The following SLC24A2 variants were observed in gnomAD, a reference collection of about 807,000 sequenced individuals.
SLC24A2 encodes sodium/potassium/calcium exchanger 2.
In SLC24A2, 36 loss-of-function variants were observed where a neutral mutation model predicts 62.0. The observed-to-expected ratio is 0.58, with a 90% CI of 0.44 to 0.77. The LOEUF (loss-of-function observed/expected upper bound fraction) is 0.77. SLC24A2 is among the 30% of genes least tolerant of loss of function. SLC24A2 has a pLI of 0.00. For synonymous variants in SLC24A2, 358 were observed against 294.0 expected (o/e 1.22, Z -2.23); for missense variants, 846 against 817.9 (o/e 1.03, Z -0.42).
chr9:20,237,528 G>C, the SLC24A2 span, among the ~76,000 whole-genome samples: 1 of 152,156 alleles, frequency 6.6e-6, no homozygotes, highest in African/African-American at 2.4e-5. Flanking sequence ...AACTTGGAAG[G>C]ATACTGAAGA....
the SLC24A2 span, among the ~76,000 whole-genome samples, chr9:19,864,409 G>C: frequency 6.6e-6 from 1 of 151,632 alleles, no homozygotes; most frequent in Non-Finnish European, 1.5e-5. Context: ...AAACACTACA[G>C]GTCAATGTAC....
At chr9:19,605,869 C>T (rs1836969415) in intron 4 of SLC24A2, among the ~76,000 whole-genome samples, 1 of 152,152 alleles carries the variant, frequency 6.6e-6, no homozygotes, top group African/African-American at 2.4e-5. Context: ...AGTAACTTGC[C>T]CAGGGGCACA....
the SLC24A2 span, among the ~76,000 whole-genome samples, chr9:20,071,556 T>C: frequency 1.3e-5 from 2 of 152,320 alleles, no homozygotes; most frequent in South Asian, 4.1e-4. Context: ...GTCCATGTTC[T>C]AATCCTCAGA....
the SLC24A2 span, among the ~76,000 whole-genome samples, chr9:19,903,770 G>T: frequency 6.6e-6 from 1 of 152,166 alleles, no homozygotes; most frequent in African/African-American, 2.4e-5. Context: ...TCTTTAAGAT[G>T]GTCCAGTATA....
chr9:19,896,259 A>G, the SLC24A2 span, among the ~76,000 whole-genome samples: 1 of 152,222 alleles, frequency 6.6e-6, no homozygotes. Context: ...TGTAAATAGG[A>G]TGTACAGCAA....
chr9:20,207,876 G>A, the SLC24A2 span, among the ~76,000 whole-genome samples: 40 of 152,152 alleles, frequency 2.6e-4, no homozygotes, highest in Non-Finnish European at 4.6e-4. Flanking sequence ...CAAGCTACAT[G>A]CACAAGTTTC....
At chr9:20,201,123 T>C in the SLC24A2 span, among the ~76,000 whole-genome samples, 2 of 152,220 alleles carry the variant, frequency 1.3e-5, no homozygotes, top group Non-Finnish European at 2.9e-5. Flanking sequence ...AGAGCTGGAA[T>C]GTCTCTTGGC....
At chr9:19,704,324 T>A (rs1820443449) in intron 2 of SLC24A2, among the ~76,000 whole-genome samples, 1 of 152,188 alleles carries the variant, frequency 6.6e-6, no homozygotes, top group African/African-American at 2.4e-5. Context: ...ATTAGTTCCA[T>A]ATGATACTAT....
chr9:20,253,082 C>T, the SLC24A2 span, among the ~76,000 whole-genome samples: 8 of 152,200 alleles, frequency 5.3e-5, no homozygotes, highest in African/African-American at 1.9e-4. Flanking sequence ...AAGGCAATTA[C>T]CCCTATAGTG....
At chr9:20,263,570 T>A in the SLC24A2 span, among the ~76,000 whole-genome samples, 1 of 152,172 alleles carries the variant, frequency 6.6e-6, no homozygotes, top group Non-Finnish European at 1.5e-5. Context: ...CTTCACATGC[T>A]TTCTAGTGAA....
the SLC24A2 span, among the ~76,000 whole-genome samples, chr9:20,076,075 C>T: frequency 6.6e-6 from 1 of 152,070 alleles, no homozygotes; most frequent in Non-Finnish European, 1.5e-5. Context: ...GAATGCTTTC[C>T]GTACAGATGC....
At chr9:20,246,626 C>T in the SLC24A2 span, among the ~76,000 whole-genome samples, 1 of 152,152 alleles carries the variant, frequency 6.6e-6, no homozygotes, top group Non-Finnish European at 1.5e-5. Flanking sequence ...CAACAGAATG[C>T]AGATCTCCCT....
chr9:19,545,490 C>T (rs548588503), intron 8 of SLC24A2, among the ~76,000 whole-genome samples: 56 of 152,098 alleles, frequency 3.7e-4, no homozygotes, highest in South Asian at 8.3e-4. Context: ...AGTTGTCATC[C>T]TTGAGAAGAG....
the SLC24A2 span, among the ~76,000 whole-genome samples, chr9:19,955,377 GT>G: frequency 0.029 from 4,188 of 143,368 alleles, 166 homozygotes; most frequent in African/African-American, 0.089. Context: ...AAATTCTCAG[GT>G]TTTTTTTTTT....
intron 2 of SLC24A2, among the ~76,000 whole-genome samples, chr9:19,703,314 A>C (rs1820411627): frequency 6.6e-6 from 1 of 152,226 alleles, no homozygotes; most frequent in South Asian, 2.1e-4. Context: ...TAAATGGCAG[A>C]GCTGGGCTTC....
At chr9:20,139,951 G>A in the SLC24A2 span, among the ~76,000 whole-genome samples, 18,511 of 152,174 alleles carry the variant, frequency 0.12, 1,857 homozygotes, top group East Asian at 0.39. Context: ...GAAACAGCCC[G>A]TGCTGCTGAA....
At chr9:19,530,933 T>G (rs955810263) in intron 8 of SLC24A2, among the ~76,000 whole-genome samples, 1 of 152,144 alleles carries the variant, frequency 6.6e-6, no homozygotes, top group African/African-American at 2.4e-5. Flanking sequence ...ATATCTAGAT[T>G]ATACTGACTC....
the SLC24A2 span, among the ~76,000 whole-genome samples, chr9:20,104,531 T>G: frequency 6.6e-6 from 1 of 152,002 alleles, no homozygotes; most frequent in Admixed American, 6.6e-5. Context: ...CAGAAGAGAG[T>G]GGGGGCCAAT....
the SLC24A2 span, among the ~76,000 whole-genome samples, chr9:20,238,699 G>A: frequency 1.3e-5 from 2 of 152,156 alleles, no homozygotes; most frequent in Non-Finnish European, 2.9e-5. Flanking sequence ...CAGTGTACAT[G>A]TCTTAGCTTT....
Sources: gnomAD v4.1 joint callset for allele counts (sites outside exome capture counted in the v4.1 genomes callset) on GRCh38, gnomAD v4.1.1 for gene constraint, MANE v1.5 for transcripts, NCBI Gene and HGNC (gene_info 2026-07-23, HGNC 2026-07-21) for gene names.